Variants in SOS1 observed in about 807,000 individuals in gnomAD.
The protein encoded by SOS1 is son of sevenless homolog 1.
SOS1 carries 25 observed loss-of-function variants against 157.6 expected under a neutral mutation model. The observed-to-expected ratio is 0.16, with a 90% CI of 0.12 to 0.22. SOS1 has a LOEUF of 0.22. Among genes scored for constraint, SOS1 ranks in the 10% least tolerant of loss-of-function variants. The pLI, the probability that SOS1 is intolerant of heterozygous loss-of-function variation, is 1.00. For missense variants in SOS1, 1,237 were observed against 1,599.1 expected, an observed-to-expected ratio of 0.77 and a Z score of 3.86; for synonymous variants, 528 against 534.0, an observed-to-expected ratio of 0.99 and a Z score of 0.16.
intron 1 of SOS1, among the ~76,000 whole-genome samples, chr2:39,096,171 A>G (rs1250336341): frequency 6.6e-6 from 1 of 152,254 alleles, no homozygotes; most frequent in Non-Finnish European, 1.5e-5. Context: ...TTTCTCCTTA[A>G]GCAGACTTGG....
chr2:39,121,025 AC>A lies in SOS1; in HGVS notation c.-604del, dbSNP rs1406662209. The A allele has an allele frequency of 6.0e-6, 1 of 167,432 alleles. No homozygotes were observed. Among genetic ancestry groups the A allele is most frequent in the Non-Finnish European group, 1.3e-5 (1 of 79,438 alleles). The allele number at this position is 167,432 out of a possible 1,614,324, so 10.4% of individuals were successfully genotyped here. On this transcript the variant is annotated 5_prime_UTR_variant, in exon 1 of 23. Coordinates refer to ENST00000402219, the MANE Select transcript of SOS1 (RefSeq NM_005633.4). ...CGCCGGTGTAGCGCTGGAGCTTCCT[AC>A]TAGCGAACTGAACCTGCTCGCTACT...
intron 2 of SOS1, among the ~76,000 whole-genome samples, chr2:39,061,794 T>G (rs1161119638): frequency 1.3e-5 from 2 of 152,186 alleles, no homozygotes; most frequent in African/African-American, 4.8e-5. Flanking sequence ...TTATTTGTAT[T>G]AAATGAGAAA....
intron 6 of SOS1, among the ~76,000 whole-genome samples, chr2:39,048,007 G>C (rs1439346968): frequency 6.6e-6 from 1 of 152,056 alleles, no homozygotes; most frequent in Non-Finnish European, 1.5e-5. Context: ...TCTTTCATTG[G>C]CTATGCATAT....
chr2:39,062,029 G>A (rs942293766), intron 2 of SOS1, among the ~76,000 whole-genome samples: 12 of 151,940 alleles, frequency 7.9e-5, no homozygotes, highest in African/African-American at 2.9e-4. Context: ...ACATACTTTG[G>A]TATGTGTGGG....
intron 22 of SOS1, among the ~76,000 whole-genome samples, chr2:38,986,833 C>A (rs892704385): frequency 2.0e-5 from 3 of 152,054 alleles, no homozygotes; most frequent in Non-Finnish European, 4.4e-5. Context: ...GCATAAAGTA[C>A]CTATTTTATA....
chr2:39,119,518 A>G (rs1478569234), intron 1 of SOS1, among the ~76,000 whole-genome samples: 1 of 152,268 alleles, frequency 6.6e-6, no homozygotes, highest in East Asian at 1.9e-4. Context: ...TTAGAAGAGT[A>G]AAGCAATCTT....
chr2:38,994,083 T>C (rs1245126313), intron 20 of SOS1, among the ~76,000 whole-genome samples: 1 of 152,194 alleles, frequency 6.6e-6, no homozygotes, highest in Non-Finnish European at 1.5e-5. Flanking sequence ...CTGTGGCTTG[T>C]CTGAACTGAG....
chr2:38,999,042 G>C (rs1026548045), intron 17 of SOS1, among the ~76,000 whole-genome samples: 1 of 152,128 alleles, frequency 6.6e-6, no homozygotes, highest in African/African-American at 2.4e-5. Flanking sequence ...CATGCTATGA[G>C]AGCAAAAAGG....
At chr2:38,996,602 A>G (rs948968844) in intron 19 of SOS1, among the ~76,000 whole-genome samples, 1 of 152,210 alleles carries the variant, frequency 6.6e-6, no homozygotes, top group African/African-American at 2.4e-5. Flanking sequence ...TGTCATAAGT[A>G]GATATTTTAT....
At chr2:39,023,947 T>C (rs1281113921) in intron 9 of SOS1, 63 bp downstream of exon 9, 3 of 1,156,934 alleles carry the variant, frequency 2.6e-6, no homozygotes, top group Admixed American at 1.8e-5. Flanking sequence ...GGAACTGGGA[T>C]CCCTGAATTT....
At chr2:39,112,855 A>G (rs1038701906) in intron 1 of SOS1, among the ~76,000 whole-genome samples, 5 of 152,104 alleles carry the variant, frequency 3.3e-5, no homozygotes, top group African/African-American at 1.2e-4. Context: ...CCTGGGCAAC[A>G]TGGTAAAACC....
rs762569805 is a variant in SOS1, at chr2:39,035,419, A to T, written c.946T>A (p.Ser316Thr). The change falls in exon 7 of 23, where the codon TCA becomes ACA. Residue 316 changes from serine to threonine, a missense_variant. By Grantham distance (58) the Ser-to-Thr change is moderately conservative. This residue lies in a region of SOS1 where 101 missense variants were observed against 171.5 expected (regional missense o/e 0.59). Transcript: ENST00000402219. ...AAATAAAGTGCTGCCCCAGGCTTTG[A>T]TAACTGACTAAGGAAACGATCATGA... ...GFHDRFLSQL[S>T]KPGAALYLQS... is the part of the protein sequence containing the mutation. The T allele has an allele frequency of 6.2e-6, 10 of 1,613,834 alleles. No individual in the cohort carries two copies. Among genetic ancestry groups the T allele is most frequent in the Non-Finnish European group, 7.6e-6 (9 of 1,179,760 alleles).
intron 6 of SOS1, among the ~76,000 whole-genome samples, chr2:39,037,147 A>C (rs1204462291): frequency 1.3e-5 from 2 of 152,218 alleles, no homozygotes; most frequent in Admixed American, 6.5e-5. Flanking sequence ...CTTTCTTCTC[A>C]ACTAAAAATT....
At chr2:39,004,420 A>AG (rs1038006573) in intron 17 of SOS1, among the ~76,000 whole-genome samples, 6 of 151,098 alleles carry the variant, frequency 4.0e-5, no homozygotes, top group Non-Finnish European at 4.4e-5. Context: ...AAAAAAAAAA[A>AG]AAAAAAAAGG....
chr2:38,996,715 C>T (rs1668907187), intron 19 of SOS1, among the ~76,000 whole-genome samples: 1 of 152,094 alleles, frequency 6.6e-6, no homozygotes, highest in South Asian at 2.1e-4. Context: ...TGCTCAATTT[C>T]ATCATCTTTG....
At chr2:39,081,075 G>A (rs1401872714) in intron 1 of SOS1, among the ~76,000 whole-genome samples, 1 of 151,896 alleles carries the variant, frequency 6.6e-6, no homozygotes, top group Non-Finnish European at 1.5e-5. Flanking sequence ...CAGCTACTCA[G>A]GAAGCTGACC....
intron 1 of SOS1, among the ~76,000 whole-genome samples, chr2:39,077,522 G>A (rs1338804221): frequency 6.6e-6 from 1 of 151,864 alleles, no homozygotes; most frequent in African/African-American, 2.4e-5. Context: ...AAATTTAGAA[G>A]AGCCAAGAAC....
At chr2:39,022,466 G>T in intron 10 of SOS1, 104 bp downstream of exon 10, 5 of 857,356 alleles carry the variant, frequency 5.8e-6, no homozygotes, top group South Asian at 1.4e-5. Context: ...AGAGGTCTTT[G>T]GTTGTTAGTT....
At chr2:39,002,190 G>A (rs545459476) in intron 17 of SOS1, among the ~76,000 whole-genome samples, 1 of 151,518 alleles carries the variant, frequency 6.6e-6, no homozygotes, top group African/African-American at 2.4e-5. Context: ...GCCGGGTGTG[G>A]TGGTGGGTGC....
Sources: gnomAD v4.1 joint callset for allele counts (sites outside exome capture counted in the v4.1 genomes callset) on GRCh38, gnomAD v4.1.1 for gene constraint, gnomAD v4.1.1 regional missense constraint, MANE v1.5 for transcripts, NCBI Gene and HGNC (gene_info 2026-07-23, HGNC 2026-07-21) for gene names.